Variants in LRP1B observed in about 807,000 individuals in gnomAD.
LRP1B encodes the protein low-density lipoprotein receptor-related protein 1B.
Under a neutral mutation model 556.6 loss-of-function variants are expected in LRP1B, and 217 were observed. That is an observed-to-expected ratio of 0.39 (90% CI 0.35 to 0.44). The LOEUF (loss-of-function observed/expected upper bound fraction) is 0.44, where lower values mean the gene tolerates loss of function less well. Among genes scored for constraint, LRP1B ranks in the 20% least tolerant of loss-of-function variants. LRP1B has a pLI of 1.00. For missense variants in LRP1B, 5,053 were observed against 5,620.8 expected, an observed-to-expected ratio of 0.90 and a Z score of 3.23; for synonymous variants, 2,047 against 1,865.8, an observed-to-expected ratio of 1.10 and a Z score of -2.50.
intron 2 of LRP1B, among the ~76,000 whole-genome samples, chr2:141,538,355 T>C (rs371521684): frequency 6.6e-6 from 1 of 152,188 alleles, no homozygotes; most frequent in Non-Finnish European, 1.5e-5. Context: ...CTCGCTTCTA[T>C]AGTAAATGAC....
At chr2:141,286,007 C>A (rs1201250160) in intron 3 of LRP1B, among the ~76,000 whole-genome samples, 1 of 109,512 alleles carries the variant, frequency 9.1e-6, no homozygotes, top group Non-Finnish European at 1.8e-5. Flanking sequence ...GCGGAGCTTG[C>A]AGTGAGCCAA....
intron 17 of LRP1B, among the ~76,000 whole-genome samples, chr2:140,983,336 A>C (rs1696827515): frequency 6.6e-6 from 1 of 152,184 alleles, no homozygotes; most frequent in Non-Finnish European, 1.5e-5. Flanking sequence ...TTGAACAGAT[A>C]GTGAATAATT....
rs1204199740 is a variant in LRP1B at position 141,639,052 on chromosome 2, G to T, written c.206-158519C>A. On this transcript the variant is annotated intron_variant, in intron 2 of 90. Coordinates refer to ENST00000389484, the MANE Select transcript of LRP1B (RefSeq NM_018557.3). ...GTTTCTTTATAGCAATGCAAGAATG[G>T]GCCAATACAGTATCCATAAGTGGCA... Among the ~76,000 whole-genome samples the T allele has an allele frequency of 2.6e-4, 30 of 116,698 alleles. 1 individual carries two copies. The highest frequency in any genetic ancestry group is 9.0e-5 in the Admixed American group (1 of 11,066). 76.6% of individuals were successfully genotyped at this position (116,698 alleles called of 152,430 possible).
rs146245290 is a variant in LRP1B at position 140,330,178 on chromosome 2, C to T, written c.12223+4275G>A. Among the ~76,000 whole-genome samples, 769 of 145,924 alleles carry T rather than the reference C, an allele frequency of 5.3e-3. 3 individuals are homozygous for T. Among genetic ancestry groups the T allele is most frequent in the Middle Eastern group, 0.014 (4 of 276 alleles). ...TAGCATCACTGAACTACAGCCTGGG[C>T]GACAGAGCAAGACTCTGTCTCAATA... is the stretch of plus-strand genomic sequence containing the variant. On this transcript the variant is annotated intron_variant, in intron 79 of 90. Coordinates refer to ENST00000389484, the MANE Select transcript of LRP1B (RefSeq NM_018557.3).
rs527930329 is a variant in LRP1B at position 142,117,527 on chromosome 2, T to C, written c.82+13121A>G. Among the ~76,000 whole-genome samples the C allele has an allele frequency of 3.9e-5, 6 of 152,214 alleles. 1 individual carries two copies. The highest frequency in any genetic ancestry group is 3.9e-4 in the Admixed American group (6 of 15,258). ...TATCGGCAACTCAGGGGTTGCATAGTAAACCACAGGCTGTTAGCCTCAATG... is the reference window on the plus strand; with the variant it reads ...TATCGGCAACTCAGGGGTTGCATAGCAAACCACAGGCTGTTAGCCTCAATG... On this transcript the variant is annotated intron_variant, in intron 1 of 90. Transcript: ENST00000389484.
At chr2:140,423,364 A>G (rs191285502) in intron 66 of LRP1B, among the ~76,000 whole-genome samples, 78 of 152,258 alleles carry the variant, frequency 5.1e-4, no homozygotes, top group Admixed American at 1.8e-3. Flanking sequence ...AAGAAAAGGA[A>G]AGCTTTTTTT....
chr2:141,892,318 G>A (rs1383578007), intron 1 of LRP1B, among the ~76,000 whole-genome samples: 1 of 151,858 alleles, frequency 6.6e-6, no homozygotes, highest in African/African-American at 2.4e-5. Flanking sequence ...AGAAATTGGA[G>A]TGACGATTTA....
intron 31 of LRP1B, among the ~76,000 whole-genome samples, chr2:140,831,664 AG>A (rs1316988057): frequency 6.6e-6 from 1 of 152,158 alleles, no homozygotes; most frequent in Non-Finnish European, 1.5e-5. Flanking sequence ...AAGCAAAAAT[AG>A]CAAATGGGAT....
chr2:140,382,101 T>C (rs967047839), intron 67 of LRP1B, among the ~76,000 whole-genome samples: 6 of 152,142 alleles, frequency 3.9e-5, no homozygotes, highest in Non-Finnish European at 5.9e-5. Context: ...GTTTCTCTAC[T>C]ATCTTAAAAA....
chr2:141,643,561 C>A (rs1202344073), intron 2 of LRP1B, among the ~76,000 whole-genome samples: 1 of 152,166 alleles, frequency 6.6e-6, no homozygotes, highest in Non-Finnish European at 1.5e-5. Context: ...CTCCAGCTAT[C>A]TGCATACACA....
At chr2:141,064,543 C>G (rs1175168993) in intron 7 of LRP1B, among the ~76,000 whole-genome samples, 1 of 151,886 alleles carries the variant, frequency 6.6e-6, no homozygotes, top group African/African-American at 2.4e-5. Context: ...CAAAATTGAA[C>G]CTTCTCAGAC....
At chr2:140,839,219 ATTAT>A (rs1692018972) in intron 31 of LRP1B, among the ~76,000 whole-genome samples, 1 of 152,234 alleles carries the variant, frequency 6.6e-6, no homozygotes. Context: ...ATGTAACTTC[ATTAT>A]TTAATACATT....
intron 69 of LRP1B, among the ~76,000 whole-genome samples, chr2:140,372,447 T>C (rs958999863): frequency 8.5e-5 from 13 of 152,236 alleles, no homozygotes; most frequent in Admixed American, 3.3e-4. Context: ...TGTAAGATAA[T>C]GTAATTAAAA....
At chr2:140,923,168 A>G (rs1694790668) in intron 20 of LRP1B, 21 bp from the exon 21 acceptor site, 2 of 1,589,866 alleles carry the variant, frequency 1.3e-6, no homozygotes, top group Non-Finnish European at 1.7e-6. Flanking sequence ...AATGAGGAAG[A>G]GAGAAGCAGA....
intron 31 of LRP1B, among the ~76,000 whole-genome samples, chr2:140,821,035 T>C (rs1281147517): frequency 6.6e-6 from 1 of 152,164 alleles, no homozygotes; most frequent in African/African-American, 2.4e-5. Context: ...ATTTTCAGTG[T>C]CTACTTAACT....
At position 141,702,161 on chromosome 2, in the gene LRP1B, T is replaced by G. The variant is rs13022982; in HGVS notation, c.205+108118A>C. Among the ~76,000 whole-genome samples, 2 of 151,880 alleles carry G rather than the reference T, an allele frequency of 1.3e-5. 1 individual carries two copies. Among genetic ancestry groups the G allele is most frequent in the South Asian group, 4.2e-4 (2 of 4,812 alleles). Reference sequence around the variant, plus strand: ...TTAAGTGGGCGACACTGGGTGAAAATGGCATGGAGGTAGGAATGACCATGG... The same window carrying G: ...TTAAGTGGGCGACACTGGGTGAAAAGGGCATGGAGGTAGGAATGACCATGG... On this transcript the variant is annotated intron_variant, in intron 2 of 90. Coordinates refer to ENST00000389484, the MANE Select transcript of LRP1B (RefSeq NM_018557.3).
In LRP1B at chr2:141,018,858, A is replaced by G. The variant is rs532957816; in HGVS notation, c.1970+1064T>C. Among the ~76,000 whole-genome samples, 13 of 152,158 alleles carry G rather than the reference A, an allele frequency of 8.5e-5. No homozygotes were observed. The East Asian group carries it at 2.5e-3, about 30-fold the overall frequency. On this transcript the variant is annotated intron_variant, in intron 12 of 90. Coordinates refer to ENST00000389484, the MANE Select transcript of LRP1B (RefSeq NM_018557.3). The stretch of plus-strand genomic sequence containing the variant: ...CAATGAGTTCACTCACTGCCTAGGA[A>G]CCCTGGTTGTATTTGGAGCTACTCT...
chr2:141,771,447 A>C (rs1558864900), intron 2 of LRP1B, among the ~76,000 whole-genome samples: 1 of 152,220 alleles, frequency 6.6e-6, no homozygotes, highest in Non-Finnish European at 1.5e-5. Context: ...TGGGGATTTT[A>C]ACCATGCATA....
chr2:141,309,531 C>G (rs1209175270), intron 3 of LRP1B, among the ~76,000 whole-genome samples: 1 of 152,108 alleles, frequency 6.6e-6, no homozygotes, highest in Admixed American at 6.5e-5. Flanking sequence ...GATTAGTGGC[C>G]TTATGAAGAG....
Sources: gnomAD v4.1 joint callset for allele counts (sites outside exome capture counted in the v4.1 genomes callset) on GRCh38, gnomAD v4.1.1 for gene constraint, MANE v1.5 for transcripts, NCBI Gene and HGNC (gene_info 2026-07-23, HGNC 2026-07-21) for gene names.